Variants in PRPF3 observed in about 807,000 individuals in gnomAD.
PRPF3 encodes the protein pre-mRNA processing factor 3.
PRPF3 carries 3 observed loss-of-function variants against 89.2 expected under a neutral mutation model. That is an observed-to-expected ratio of 0.03 (90% confidence interval 0.02 to 0.09). The LOEUF is 0.09. Ranked by LOEUF, PRPF3 falls within the 10% of genes least tolerant of loss-of-function variation. The pLI is 1.00. For missense variants in PRPF3, 463 were observed against 828.8 expected, an observed-to-expected ratio of 0.56 and a Z score of 5.42; for synonymous variants, 270 against 289.1, an observed-to-expected ratio of 0.93 and a Z score of 0.67.
intron 12 of PRPF3, chr1:150,345,574 C>G (rs1658198914): frequency 9.3e-6 from 2 of 214,540 alleles, no homozygotes; most frequent in Non-Finnish European, 1.9e-5. Context: ...TGGTCTTAAA[C>G]TCCTGACCTC....
At chr1:150,331,608 G>A (rs989548251) in intron 4 of PRPF3, among the ~76,000 whole-genome samples, 15 of 149,220 alleles carry the variant, frequency 1.0e-4, no homozygotes, top group African/African-American at 1.5e-4. Flanking sequence ...CAAGTGATTC[G>A]CCCACCTCAG....
At chr1:150,325,125 G>T in intron 2 of PRPF3, 38 bp downstream of exon 2, 1 of 1,607,314 alleles carries the variant, frequency 6.2e-7, no homozygotes, top group Non-Finnish European at 8.5e-7. Flanking sequence ...TAACATATAG[G>T]GTGACCCCAA....
At position 150,349,482 on chromosome 1, in the gene PRPF3, G is replaced by A. The variant is rs948749497; in HGVS notation, c.1905+264G>A. 1.2e-4 allele frequency among the ~76,000 whole-genome samples: 19 copies of A among 152,232 alleles called. 1 individual carries two copies. In the South Asian group the frequency reaches 2.9e-3, roughly 23 times the overall value. On this transcript the variant is annotated intron_variant, in intron 15 of 15. Coordinates refer to ENST00000324862, the MANE Select transcript of PRPF3 (RefSeq NM_004698.4). Reference sequence around the variant, plus strand: ...GTAGCAGGAATACAAATTCTCTACCGAAAATTATTTATTTCACAGTCATGA... The same window carrying A: ...GTAGCAGGAATACAAATTCTCTACCAAAAATTATTTATTTCACAGTCATGA...
chr1:150,333,929 A>T (rs1656694759), intron 6 of PRPF3, among the ~76,000 whole-genome samples: 1 of 152,200 alleles, frequency 6.6e-6, no homozygotes, highest in Admixed American at 6.5e-5. Context: ...AAGGAAAGAT[A>T]GGATTATAAA....
chr1:150,351,158 G>T (rs587678259), intron 15 of PRPF3, among the ~76,000 whole-genome samples: 12 of 152,084 alleles, frequency 7.9e-5, no homozygotes, highest in African/African-American at 2.9e-4. Context: ...CCAGCTACTT[G>T]GGAGGCTGAG....
At chr1:150,344,012 G>A (rs1658042803) in intron 10 of PRPF3, 150 bp from the exon 11 acceptor site, 1 of 717,510 alleles carries the variant, frequency 1.4e-6, no homozygotes, top group Admixed American at 2.1e-5. Flanking sequence ...GATTGGATGG[G>A]ATTTTCAAGA....
intron 4 of PRPF3, among the ~76,000 whole-genome samples, chr1:150,332,050 C>A (rs760621045): frequency 1.1e-3 from 174 of 151,966 alleles, no homozygotes; most frequent in Non-Finnish European, 2.2e-3. Flanking sequence ...GGGTGAAACC[C>A]CATCTCTACT....
chr1:150,345,238 T>C (rs983934906), intron 12 of PRPF3, among the ~76,000 whole-genome samples: 4 of 152,134 alleles, frequency 2.6e-5, no homozygotes, highest in Non-Finnish European at 5.9e-5. Context: ...CTCCTTTCTA[T>C]TCTCTGATCC....
chr1:150,332,780 G>A lies in PRPF3; in HGVS notation c.507+13G>A. 6.2e-7 allele frequency: 1 copy of A among 1,612,684 alleles called. No individual in the cohort carries two copies. The highest frequency in any genetic ancestry group is 8.5e-7 in the Non-Finnish European group (1 of 1,178,924). On this transcript the variant is annotated intron_variant, in intron 5 of 15. Coordinates refer to ENST00000324862, the MANE Select transcript of PRPF3 (RefSeq NM_004698.4). ...CCCTACACCTCAGGTATTGTGTCTA[G>A]ATTACTCTGAACAGAATAATCTTTG...
intron 8 of PRPF3, 146 bp downstream of exon 8, chr1:150,338,472 T>G (rs951501456): frequency 1.0e-4 from 78 of 751,140 alleles, no homozygotes; most frequent in Non-Finnish European, 1.4e-4. Flanking sequence ...CCAAGAGAGA[T>G]AAGTAACTGT....
In PRPF3 at chr1:150,346,471, C is replaced by T; in HGVS notation, c.1823C>T (p.Thr608Ile). The T allele has an allele frequency of 6.2e-7, 1 of 1,613,368 alleles. No homozygotes were observed. The highest frequency in any genetic ancestry group is 8.5e-7 in the Non-Finnish European group (1 of 1,179,458). ...MLHRIKWDEQTSNTKGDDDEE... is the reference protein window; with the variant it reads ...MLHRIKWDEQISNTKGDDDEE... ...CATCGGATAAAGTGGGATGAACAGA[C>T]ATCTAACACAAAGGGAGATGGTGAA... The change falls in exon 14 of 16, where the codon ACA becomes ATA. Residue 608 changes from threonine (T) to isoleucine (I), a missense_variant. This residue lies in a region of PRPF3 where 78 missense variants were observed against 96.6 expected (regional missense o/e 0.81). Coordinates refer to ENST00000324862, the MANE Select transcript of PRPF3 (RefSeq NM_004698.4).
chr1:150,342,580 T>C (rs1279186398), intron 9 of PRPF3, among the ~76,000 whole-genome samples: 1 of 151,968 alleles, frequency 6.6e-6, no homozygotes, highest in Non-Finnish European at 1.5e-5. Context: ...CAGTGGCAAG[T>C]GGCACAATCT....
chr1:150,347,107 C>G (rs1553873115), intron 14 of PRPF3, among the ~76,000 whole-genome samples: 1 of 151,518 alleles, frequency 6.6e-6, no homozygotes, highest in Non-Finnish European at 1.5e-5. Context: ...AAAGAAAAAG[C>G]AAATCTAGTA....
At chr1:150,346,686 A>ATGGTAAAGCTATTTTTTTGCCTATCAT in intron 14 of PRPF3, among the ~76,000 whole-genome samples, 195 bp downstream of exon 14, 1 of 152,218 alleles carries the variant, frequency 6.6e-6, no homozygotes, top group Non-Finnish European at 1.5e-5. Context: ...ATATGCATGA[A>ATGGTAAAGCTATTTTTTTGCCTATCAT]TGGTAAAGCT....
intron 7 of PRPF3, among the ~76,000 whole-genome samples, chr1:150,335,550 T>C (rs1280590947): frequency 6.6e-6 from 1 of 152,000 alleles, no homozygotes; most frequent in Admixed American, 6.6e-5. Flanking sequence ...GCTGCAACCT[T>C]TGCCTCCCAG....
intron 9 of PRPF3, among the ~76,000 whole-genome samples, chr1:150,340,730 A>G (rs1402595516): frequency 6.6e-6 from 1 of 152,074 alleles, no homozygotes; most frequent in Non-Finnish European, 1.5e-5. Context: ...CTCTAATCCA[A>G]ACACTTTCGG....
chr1:150,340,358 T>C (rs1553869948), intron 8 of PRPF3, 40 bp from the exon 9 acceptor site: 1 of 1,391,690 alleles, frequency 7.2e-7, no homozygotes, highest in Non-Finnish European at 1.0e-6. Flanking sequence ...GAATCATCTC[T>C]ACCCGCATAT....
chr1:150,339,467 G>A (rs1255079015), intron 8 of PRPF3, among the ~76,000 whole-genome samples: 4 of 143,500 alleles, frequency 2.8e-5, no homozygotes, highest in South Asian at 4.4e-4. Context: ...ACGGAGTTTC[G>A]CTCTTGTTGC....
intron 14 of PRPF3, chr1:150,348,853 C>T (rs1658599531): frequency 2.7e-6 from 1 of 375,624 alleles, no homozygotes; most frequent in Non-Finnish European, 5.0e-6. Flanking sequence ...AAGCCTGCCT[C>T]CCAAAGTGCC....
Sources: allele counts gnomAD v4.1 joint callset (sites outside exome capture counted in the v4.1 genomes callset), GRCh38; gene constraint gnomAD v4.1.1; regional missense constraint gnomAD v4.1.1; transcripts MANE v1.5; gene names NCBI Gene and HGNC (gene_info 2026-07-23, HGNC 2026-07-21).